The following DNAJC10 variants were observed in gnomAD, a reference collection of about 807,000 sequenced individuals.
DNAJC10 encodes the protein endoplasmic reticulum disulfide reductase DNAJC10.
Under a neutral mutation model 115.0 loss-of-function variants are expected in DNAJC10, and 101 were observed. The ratio of observed to expected loss-of-function variants is 0.88; its 90% CI spans 0.75 to 1.04. DNAJC10 has a LOEUF of 1.04. Among genes scored for constraint, DNAJC10 ranks in the 50% least tolerant of loss-of-function variants. The pLI is 0.00. For synonymous variants in DNAJC10, 307 were observed against 301.5 expected (o/e 1.02, Z -0.19); for missense variants, 981 against 928.8 (o/e 1.06, Z -0.73).
At chr2:182,740,415 T>C (rs761322442) in intron 12 of DNAJC10, 27 bp downstream of exon 12, 187 of 1,541,260 alleles carry the variant, frequency 1.2e-4, no homozygotes, top group Non-Finnish European at 1.6e-4. Context: ...TAATGATAAG[T>C]AGCAATGAAT....
In DNAJC10 at chr2:182,779,536, G is replaced by T. The variant is rs892987844; in HGVS notation, c.*2404G>T. The T allele has an allele frequency of 3.3e-5, 5 of 152,114 alleles. No homozygotes were observed. The highest frequency in any genetic ancestry group is 1.2e-4 in the African/African-American group (5 of 41,404). 9.4% of individuals were successfully genotyped at this position (152,114 alleles called of 1,614,324 possible). A position where few individuals can be genotyped will look rare whatever the true frequency, so the allele number is the denominator to read the frequency against. On this transcript the variant is annotated 3_prime_UTR_variant, in exon 24 of 24. Coordinates refer to ENST00000264065, the MANE Select transcript of DNAJC10 (RefSeq NM_018981.4). Reference sequence around the variant, plus strand: ...AGGCAGGAGGGATTGCTTGGGCTCAGGATTTTGAATCCAGCCTGGGCAACA... The same window carrying T: ...AGGCAGGAGGGATTGCTTGGGCTCATGATTTTGAATCCAGCCTGGGCAACA...
chr2:182,721,347 A>T (rs150590802), intron 4 of DNAJC10, among the ~76,000 whole-genome samples: 45 of 152,236 alleles, frequency 3.0e-4, no homozygotes, highest in African/African-American at 1.1e-3. Flanking sequence ...TTTTATAAAT[A>T]AGTTTTATTG....
chr2:182,767,633 T>C (rs1298811171), intron 22 of DNAJC10, among the ~76,000 whole-genome samples: 1 of 151,708 alleles, frequency 6.6e-6, no homozygotes, highest in Non-Finnish European at 1.5e-5. Flanking sequence ...ATGCCAAGAA[T>C]GAGTTCTCAG....
chr2:182,744,271 A>G (rs1049123443), intron 14 of DNAJC10, among the ~76,000 whole-genome samples: 2 of 152,262 alleles, frequency 1.3e-5, no homozygotes, highest in African/African-American at 4.8e-5. Context: ...CAGACTACCA[A>G]CTACCATGCA....
intron 21 of DNAJC10, among the ~76,000 whole-genome samples, chr2:182,760,899 C>T (rs749595873): frequency 1.3e-5 from 2 of 152,038 alleles, no homozygotes; most frequent in Non-Finnish European, 2.9e-5. Context: ...TCTTATGCTT[C>T]CTTCTGTAAT....
At chr2:182,763,975 G>A (rs1007965621) in intron 22 of DNAJC10, among the ~76,000 whole-genome samples, 5 of 152,126 alleles carry the variant, frequency 3.3e-5, no homozygotes, top group African/African-American at 1.2e-4. Flanking sequence ...TCTTGTAATT[G>A]CTGAAGGGTA....
rs1574966634 is a variant in DNAJC10, at chr2:182,781,394, T to G, written c.*4262T>G. 6.6e-6 allele frequency: 1 copy of G among 152,236 alleles called. No individual in the cohort carries two copies. The highest frequency in any genetic ancestry group is 1.9e-4 in the East Asian group (1 of 5,200). 9.4% of individuals were successfully genotyped at this position (152,236 alleles called of 1,614,324 possible). On this transcript the variant is annotated 3_prime_UTR_variant, in exon 24 of 24. Transcript: ENST00000264065. ...GGCATTTTGGTTGGTTCCAAGTGTT[T>G]CCTATTGTGAATAGTGCTCCAATAA...
In DNAJC10 at chr2:182,785,983, G is replaced by A. The variant is rs1178563729; in HGVS notation, c.*8851G>A. The A allele has an allele frequency of 2.0e-5, 3 of 152,054 alleles. No homozygotes were observed. The highest frequency in any genetic ancestry group is 4.4e-5 in the Non-Finnish European group (3 of 68,004). 9.4% of individuals were successfully genotyped at this position (152,054 alleles called of 1,614,324 possible). Reference sequence around the variant, plus strand: ...TCTGAGAGAAACCAAAAAAAAGTGGGGAGATAATAATCCAGGGACTTTGGG... The same window carrying A: ...TCTGAGAGAAACCAAAAAAAAGTGGAGAGATAATAATCCAGGGACTTTGGG... On this transcript the variant is annotated 3_prime_UTR_variant, in exon 24 of 24. Transcript: ENST00000264065.
chr2:182,752,578 G>GAAC, intron 16 of DNAJC10: 5 of 944,608 alleles, frequency 5.3e-6, no homozygotes, highest in Non-Finnish European at 6.3e-6. Context: ...TTAAAACAAT[G>GAAC]AACAAGCCTT....
rs1247133552 is a variant in DNAJC10, at chr2:182,785,226, G to T, written c.*8094G>T. 6.6e-6 allele frequency: 1 copy of T among 151,974 alleles called. No individual in the cohort carries two copies. The highest frequency in any genetic ancestry group is 1.9e-4 in the East Asian group (1 of 5,194). The allele number at this position is 151,974 out of a possible 1,614,324, so 9.4% of individuals were successfully genotyped here. ...CAGCAGATTCCCATTCATGAAGAAT[G>T]GTGCCTGTGTAACAGTATAAATGGA... is the stretch of plus-strand genomic sequence containing the variant. On this transcript the variant is annotated 3_prime_UTR_variant, in exon 24 of 24. Coordinates refer to ENST00000264065, the MANE Select transcript of DNAJC10 (RefSeq NM_018981.4).
intron 20 of DNAJC10, 122 bp from the exon 21 acceptor site, chr2:182,759,038 A>G (rs1694226768): frequency 9.8e-7 from 1 of 1,025,142 alleles, no homozygotes; most frequent in Non-Finnish European, 1.4e-6. Flanking sequence ...ATAGTACTGT[A>G]CTTTATTACA....
chr2:182,729,548 T>C (rs1263099667), intron 7 of DNAJC10, among the ~76,000 whole-genome samples: 1 of 152,210 alleles, frequency 6.6e-6, no homozygotes, highest in Non-Finnish European at 1.5e-5. Context: ...TATATTGTAT[T>C]TGGTAGTTTA....
chr2:182,790,521 C>G lies in DNAJC10; in HGVS notation c.*13389C>G, dbSNP rs569024962. On this transcript the variant is annotated 3_prime_UTR_variant, in exon 24 of 24. Transcript: ENST00000264065. ...ATAGTAAGGGCCAGGCACAGTGGCT[C>G]ACACCTGAAATCCCAGCGCTTTGGG... is the stretch of plus-strand genomic sequence containing the variant. 1 of 152,126 alleles carries G rather than the reference C, an allele frequency of 6.6e-6. No homozygotes were observed. Among genetic ancestry groups the G allele is most frequent in the East Asian group, 1.9e-4 (1 of 5,182 alleles). The allele number at this position is 152,126 out of a possible 1,614,324, so 9.4% of individuals were successfully genotyped here. A position where few individuals can be genotyped will look rare whatever the true frequency, so the allele number is the denominator to read the frequency against.
chr2:182,750,375 T>G (rs567572085), intron 14 of DNAJC10, among the ~76,000 whole-genome samples: 2 of 152,238 alleles, frequency 1.3e-5, no homozygotes, highest in East Asian at 3.9e-4. Flanking sequence ...ATAGAATTAT[T>G]ATGATACAGG....
chr2:182,767,937 GTGCCTCGGTATTTTTCCA>G (rs1201554641), intron 22 of DNAJC10, among the ~76,000 whole-genome samples: 1 of 152,070 alleles, frequency 6.6e-6, no homozygotes, highest in Admixed American at 6.6e-5. Context: ...CATACACACA[GTGCCTCGGTATTTTTCCA>G]TGCCCCAACC....
chr2:182,720,607 G>A lies in DNAJC10; in HGVS notation c.367+438G>A, dbSNP rs569444662. Reference sequence around the variant, plus strand: ...TGCTGTACAGATTTGTAGACTAGGTGTGTAGTAAGCTATACTATCTAGGTT... The same window carrying A: ...TGCTGTACAGATTTGTAGACTAGGTATGTAGTAAGCTATACTATCTAGGTT... On this transcript the variant is annotated intron_variant, in intron 4 of 23. Coordinates refer to ENST00000264065, the MANE Select transcript of DNAJC10 (RefSeq NM_018981.4). 4.6e-5 allele frequency among the ~76,000 whole-genome samples: 7 copies of A among 152,220 alleles called. No individual in the cohort carries two copies. The South Asian group carries it at 1.2e-3, about 27-fold the overall frequency.
rs910845833 is a variant in DNAJC10, at chr2:182,791,478, G to A, written c.*14346G>A. ...AACTTCAGCCCAGCTAGAAGTCAAC[G>A]TGTGTTTCTGAAACTATGCTGGGGA... On this transcript the variant is annotated 3_prime_UTR_variant, in exon 24 of 24. Transcript: ENST00000264065. 6.6e-6 allele frequency: 1 copy of A among 152,072 alleles called. No homozygotes were observed. Among genetic ancestry groups the A allele is most frequent in the Non-Finnish European group, 1.5e-5 (1 of 67,954 alleles). 9.4% of individuals were successfully genotyped at this position (152,072 alleles called of 1,614,324 possible).
chr2:182,742,900 G>C lies in DNAJC10; in HGVS notation c.1192-698G>C, dbSNP rs1454655573. ...GTCACTCTGTCAGCCAGGCTGGAGTGCAGTGGTGCGATCTCGGCTCACTGC... is the reference window on the plus strand; with the variant it reads ...GTCACTCTGTCAGCCAGGCTGGAGTCCAGTGGTGCGATCTCGGCTCACTGC... On this transcript the variant is annotated intron_variant, in intron 13 of 23. Coordinates refer to ENST00000264065, the MANE Select transcript of DNAJC10 (RefSeq NM_018981.4). 4.0e-5 allele frequency among the ~76,000 whole-genome samples: 6 copies of C among 151,458 alleles called. No individual in the cohort carries two copies. In the South Asian group the frequency reaches 1.3e-3, roughly 32 times the overall value.
chr2:182,775,331 G>T lies in DNAJC10; in HGVS notation c.2281G>T (p.Glu761Ter). The change falls in exon 23 of 24, where the codon GAG (glutamate) becomes TAG (stop). Residue 761 changes from glutamate to a stop codon, truncating the protein, a stop_gained. Coordinates refer to ENST00000264065, the MANE Select transcript of DNAJC10 (RefSeq NM_018981.4). LOFTEE classifies it high-confidence loss of function. ...TTAATTTTAGAGAAATTTTCAAGAA[G>T]AGCAGATAAATACCAGAGATGCAAA... Reference protein sequence around the residue: ...YERAKRNFQEEQINTRDAKAI... With the variant: ...YERAKRNFQE The T allele has an allele frequency of 6.2e-7, 1 of 1,607,514 alleles. No homozygotes were observed. Among genetic ancestry groups the T allele is most frequent in the South Asian group, 1.1e-5 (1 of 90,636 alleles).
Sources: allele counts gnomAD v4.1 joint callset (sites outside exome capture counted in the v4.1 genomes callset), GRCh38; gene constraint gnomAD v4.1.1; transcripts MANE v1.5; gene names NCBI Gene and HGNC (gene_info 2026-07-23, HGNC 2026-07-21).